Variants in KCTD16 observed in about 807,000 individuals in gnomAD.
KCTD16 encodes the protein potassium channel tetramerization domain containing 16, also known as BTB/POZ domain-containing protein KCTD16.
Under a neutral mutation model 33.2 loss-of-function variants are expected in KCTD16, and 13 were observed. The ratio of observed to expected loss-of-function variants is 0.39; its 90% CI spans 0.25 to 0.62. The LOEUF is 0.62. Ranked by LOEUF, KCTD16 falls within the 20% of genes least tolerant of loss-of-function variation. The pLI, the probability that KCTD16 is intolerant of heterozygous loss-of-function variation, is 0.50. For synonymous variants in KCTD16, 197 were observed against 195.3 expected (o/e 1.01, Z -0.07); for missense variants, 441 against 525.1 (o/e 0.84, Z 1.57).
intron 3 of KCTD16, among the ~76,000 whole-genome samples, chr5:144,371,806 C>T (rs1182643187): frequency 6.6e-6 from 1 of 151,832 alleles, no homozygotes; most frequent in African/African-American, 2.4e-5. Flanking sequence ...CCTGTTATGC[C>T]ATTTATGGGA....
intron 3 of KCTD16, among the ~76,000 whole-genome samples, chr5:144,287,130 A>AAGAG (rs1052896784): frequency 2.6e-5 from 4 of 152,164 alleles, no homozygotes; most frequent in Non-Finnish European, 5.9e-5. Context: ...CCTCAAGTGA[A>AAGAG]AGAGAGAGGG....
At chr5:144,258,181 T>C (rs1485145784) in intron 3 of KCTD16, among the ~76,000 whole-genome samples, 4 of 152,152 alleles carry the variant, frequency 2.6e-5, no homozygotes, top group African/African-American at 9.7e-5. Context: ...GAAAAGAACA[T>C]CTATATAAAG....
At chr5:144,374,094 C>T (rs1226255272) in intron 3 of KCTD16, among the ~76,000 whole-genome samples, 2 of 152,186 alleles carry the variant, frequency 1.3e-5, no homozygotes, top group African/African-American at 4.8e-5. Flanking sequence ...ATTTCAAGTC[C>T]TTACTTTGTT....
At chr5:144,441,214 T>A (rs994083240) in intron 3 of KCTD16, among the ~76,000 whole-genome samples, 8 of 152,106 alleles carry the variant, frequency 5.3e-5, no homozygotes, top group African/African-American at 1.9e-4. Context: ...CCATGGGTTT[T>A]CTTTTTCATT....
intron 3 of KCTD16, among the ~76,000 whole-genome samples, chr5:144,327,347 C>T (rs1455835270): frequency 2.0e-5 from 3 of 151,992 alleles, no homozygotes; most frequent in Admixed American, 6.6e-5. Flanking sequence ...TAGCTTTGTG[C>T]CTTCCTGATT....
At chr5:144,172,453 A>G (rs1752411496) in intron 1 of KCTD16, among the ~76,000 whole-genome samples, 1 of 152,246 alleles carries the variant, frequency 6.6e-6, no homozygotes, top group Admixed American at 6.5e-5. Context: ...TTTGAACTAT[A>G]CAATAAATTA....
At chr5:144,248,297 A>G (rs149977328) in intron 3 of KCTD16, among the ~76,000 whole-genome samples, 2 of 152,290 alleles carry the variant, frequency 1.3e-5, no homozygotes, top group African/African-American at 4.8e-5. Context: ...CTTTATGGAT[A>G]TCTGGAGAAT....
intron 3 of KCTD16, among the ~76,000 whole-genome samples, chr5:144,327,681 A>G (rs1410453358): frequency 6.6e-6 from 1 of 152,168 alleles, no homozygotes; most frequent in Non-Finnish European, 1.5e-5. Context: ...AATGACCCAC[A>G]AAAAATCATA....
rs552761437 is a variant in KCTD16 at position 144,330,998 on chromosome 5, G to A, written c.832+123452G>A. Among the ~76,000 whole-genome samples the A allele has an allele frequency of 3.1e-3, 479 of 152,294 alleles. 1 individual carries two copies. Among genetic ancestry groups the A allele is most frequent in the Non-Finnish European group, 5.5e-3 (373 of 68,028 alleles). ...AAAGTGAGGAAAATTAGAGAGGACT[G>A]GACTTAGTAGATGGAACTGAACTTG... On this transcript the variant is annotated intron_variant, in intron 3 of 3. Transcript: ENST00000512467.
intron 3 of KCTD16, among the ~76,000 whole-genome samples, chr5:144,421,523 C>T (rs769316886): frequency 6.6e-6 from 1 of 152,088 alleles, no homozygotes; most frequent in Non-Finnish European, 1.5e-5. Context: ...AGTACTCCAT[C>T]TGGTTCCTTG....
At chr5:144,352,514 T>G (rs1029763509) in intron 3 of KCTD16, among the ~76,000 whole-genome samples, 6 of 152,110 alleles carry the variant, frequency 3.9e-5, no homozygotes, top group African/African-American at 1.4e-4. Context: ...TGGAAAAGAG[T>G]TTCATTCCAG....
chr5:144,445,609 G>A (rs911326364), intron 3 of KCTD16, among the ~76,000 whole-genome samples: 2 of 151,886 alleles, frequency 1.3e-5, no homozygotes, highest in Non-Finnish European at 2.9e-5. Context: ...GAATAAGGTG[G>A]GGTTCAGGAA....
chr5:144,277,482 C>T (rs1755470595), intron 3 of KCTD16, among the ~76,000 whole-genome samples: 1 of 152,194 alleles, frequency 6.6e-6, no homozygotes. Context: ...TGGAAAAGAA[C>T]TCAGACCATC....
chr5:144,356,567 A>G (rs1751576575), intron 3 of KCTD16, among the ~76,000 whole-genome samples: 1 of 152,176 alleles, frequency 6.6e-6, no homozygotes. Context: ...GAAGGGGTCC[A>G]GTTCCTAATG....
chr5:144,298,564 G>T (rs1756113333), intron 3 of KCTD16, among the ~76,000 whole-genome samples: 1 of 152,122 alleles, frequency 6.6e-6, no homozygotes, highest in African/African-American at 2.4e-5. Context: ...TTAGTACTGT[G>T]CCTGTAAGGT....
intron 2 of KCTD16, among the ~76,000 whole-genome samples, chr5:144,200,267 A>G (rs947252466): frequency 9.2e-5 from 14 of 151,968 alleles, no homozygotes; most frequent in Non-Finnish European, 1.9e-4. Flanking sequence ...TTTTGCTTTC[A>G]TTTGTATTTT....
In KCTD16 at chr5:144,189,574, A is replaced by G. The variant is rs938247417; in HGVS notation, c.-327+15102A>G. Among the ~76,000 whole-genome samples, 12 of 152,188 alleles carry G rather than the reference A, an allele frequency of 7.9e-5. 1 individual carries two copies. The highest frequency in any genetic ancestry group is 2.9e-4 in the African/African-American group (12 of 41,450). The stretch of plus-strand genomic sequence containing the variant: ...TTTTGCATACAATTTCAGGGAATTC[A>G]TGAATTTTGTGAATCCCGTTTGCAG... On this transcript the variant is annotated intron_variant, in intron 2 of 3. Transcript: ENST00000512467.
At chr5:144,172,185 A>AC (rs3842025) in intron 1 of KCTD16, among the ~76,000 whole-genome samples, 45,380 of 151,932 alleles carry the variant, frequency 0.3, 7,963 homozygotes, top group African/African-American at 0.48. Flanking sequence ...AAAGGATGTA[A>AC]GACCCAACCA....
chr5:144,281,332 G>A (rs374136078), intron 3 of KCTD16, among the ~76,000 whole-genome samples: 1 of 152,176 alleles, frequency 6.6e-6, no homozygotes, highest in African/African-American at 2.4e-5. Flanking sequence ...AGCATTAAAT[G>A]TATACATCTT....
Sources: gnomAD v4.1 joint callset for allele counts (sites outside exome capture counted in the v4.1 genomes callset) on GRCh38, gnomAD v4.1.1 for gene constraint, MANE v1.5 for transcripts, NCBI Gene and HGNC (gene_info 2026-07-23, HGNC 2026-07-21) for gene names.